The following IGF2R variants were observed in gnomAD, a reference collection of about 807,000 sequenced individuals.
IGF2R encodes insulin like growth factor 2 receptor.
A neutral mutation model predicts 270.6 loss-of-function variants in IGF2R; 91 were observed. The observed-to-expected ratio is 0.34, with a 90% CI of 0.28 to 0.40. The LOEUF is 0.40. Among genes scored for constraint, IGF2R ranks in the 10% least tolerant of loss-of-function variants. The pLI is 1.00. For synonymous variants in IGF2R, 1,316 were observed against 1,258.9 expected (o/e 1.05, Z -0.96); for missense variants, 2,805 against 3,188.3 (o/e 0.88, Z 2.90).
chr6:160,061,811 G>T lies in IGF2R; in HGVS notation c.3465G>T (p.Val1155=). Reference sequence around the variant, plus strand: ...GCAATAGCTGGAATCTGGGTGTGGTGCAGATGAGTCCCCAAGCCGCGGCGA... The same window carrying T: ...GCAATAGCTGGAATCTGGGTGTGGTTCAGATGAGTCCCCAAGCCGCGGCGA... The part of the protein sequence containing the change: ...SEGNSWNLGV[V]QMSPQAAANG... The change falls in exon 25 of 48, where the codon GTG becomes GTT. Residue 1155 remains valine, a synonymous_variant. Transcript: ENST00000356956. 2 of 1,614,186 alleles carry T rather than the reference G, an allele frequency of 1.2e-6. No individual in the cohort carries two copies. The highest frequency in any genetic ancestry group is 2.2e-5 in the South Asian group (2 of 91,080).
chr6:160,000,796 C>T (rs1412240943), intron 2 of IGF2R, among the ~76,000 whole-genome samples: 4 of 130,798 alleles, frequency 3.1e-5, no homozygotes, highest in Non-Finnish European at 4.6e-5. Context: ...AGTGCAGTGG[C>T]GCCATCTTGG....
intron 21 of IGF2R, 90 bp from the exon 22 acceptor site, chr6:160,058,816 C>A: frequency 9.0e-7 from 1 of 1,115,752 alleles, no homozygotes; most frequent in Admixed American, 2.1e-5. Context: ...AATGTTTAAC[C>A]TAGTGGGATT....
At chr6:159,992,248 A>G (rs1243349891) in intron 2 of IGF2R, among the ~76,000 whole-genome samples, 2 of 152,136 alleles carry the variant, frequency 1.3e-5, no homozygotes, top group Non-Finnish European at 2.9e-5. Flanking sequence ...ATTTTTATAG[A>G]TTTGGCAGTT....
intron 14 of IGF2R, 111 bp downstream of exon 14, chr6:160,045,993 A>G (rs761119290): frequency 2.1e-6 from 2 of 947,696 alleles, no homozygotes; most frequent in Non-Finnish European, 3.0e-6. Context: ...AATTTTATTC[A>G]TGCTGTTTGA....
At chr6:160,052,057 C>G (rs1778210058) in intron 19 of IGF2R, among the ~76,000 whole-genome samples, 1 of 151,948 alleles carries the variant, frequency 6.6e-6, no homozygotes, top group East Asian at 1.9e-4. Context: ...AAAAAATTAG[C>G]CAAGTGTGGT....
Position 160,012,768 on chromosome 6 carries a change from T to TG in IGF2R, c.513+1983_513+1984insG, listed in dbSNP as rs1562343090. Among the ~76,000 whole-genome samples the TG allele has an allele frequency of 2.2e-3, 138 of 63,694 alleles. 10 individuals carry two copies. Among genetic ancestry groups the TG allele is most frequent in the Middle Eastern group, 7.0e-3 (1 of 142 alleles). The allele number at this position is 63,694 out of a possible 152,430, so 41.8% of individuals were successfully genotyped here. ...ATTTATATATATATATATATATTTTTTTTTTTTTTTGTTTGTTTGTTTGTT... is the reference window on the plus strand; with the variant it reads ...ATTTATATATATATATATATATTTTTGTTTTTTTTTTGTTTGTTTGTTTGTT... On this transcript the variant is annotated intron_variant, in intron 4 of 47. Coordinates refer to ENST00000356956, the MANE Select transcript of IGF2R (RefSeq NM_000876.4).
chr6:160,040,697 G>C lies in IGF2R; in HGVS notation c.1453G>C (p.Asp485His). 1 of 1,614,176 alleles carries C rather than the reference G, an allele frequency of 6.2e-7. No individual in the cohort carries two copies. Among genetic ancestry groups the C allele is most frequent in the Non-Finnish European group, 8.5e-7 (1 of 1,180,030 alleles). The change falls in exon 11 of 48, where the codon GAC becomes CAC. Residue 485 changes from aspartate (D) to histidine (H), a missense_variant. By Grantham distance (81) the Asp-to-His change is moderately conservative. Around this residue, in one of 2 missense-constraint regions of IGF2R, gnomAD observed 954 missense variants for 981.1 expected, o/e 0.97. Coordinates refer to ENST00000356956, the MANE Select transcript of IGF2R (RefSeq NM_000876.4). ...TGCCACCGACGGGAAGAAGCGCTATGACCTGTCCGCGCTGGTCCGCCATGC... is the reference window on the plus strand; with the variant it reads ...TGCCACCGACGGGAAGAAGCGCTATCACCTGTCCGCGCTGGTCCGCCATGC... ...CGATDGKKRY[D>H]LSALVRHAEP...
At chr6:160,078,881 G>A (rs913012163) in intron 37 of IGF2R, among the ~76,000 whole-genome samples, 13 of 152,306 alleles carry the variant, frequency 8.5e-5, no homozygotes, top group African/African-American at 1.7e-4. Context: ...GAGCCCTGGC[G>A]TGTGCTGATT....
At chr6:160,077,333 C>T (rs991618565) in intron 36 of IGF2R, among the ~76,000 whole-genome samples, 1 of 152,130 alleles carries the variant, frequency 6.6e-6, no homozygotes, top group Admixed American at 6.5e-5. Context: ...TTGCGGGGGG[C>T]TTCTGCATTA....
Position 160,108,031 on chromosome 6 carries a change from C to T in IGF2R, c.*2947C>T, listed in dbSNP as rs1475081674. On this transcript the variant is annotated 3_prime_UTR_variant, in exon 48 of 48. Coordinates refer to ENST00000356956, the MANE Select transcript of IGF2R (RefSeq NM_000876.4). ...ACTGATGGGTACACAGGTCTTACCC[C>T]TGTTGGCGATCGGGTCACAAGGAGC... 6.6e-6 allele frequency: 1 copy of T among 152,242 alleles called. No individual in the cohort carries two copies. 9.4% of individuals were successfully genotyped at this position (152,242 alleles called of 1,614,324 possible). A position where few individuals can be genotyped will look rare whatever the true frequency, so the allele number is the denominator to read the frequency against.
chr6:160,073,080 A>G, intron 33 of IGF2R, 133 bp from the exon 34 acceptor site: 3 of 1,402,080 alleles, frequency 2.1e-6, no homozygotes, highest in Non-Finnish European at 2.9e-6. Context: ...AACAATGGTT[A>G]AAGCCGGATT....
At chr6:160,093,914 G>A (rs1208203803) in intron 44 of IGF2R, 5 of 715,552 alleles carry the variant, frequency 7.0e-6, no homozygotes, top group African/African-American at 5.3e-5. Flanking sequence ...TGGGGACAGT[G>A]CCATATCTTT....
At chr6:160,039,466 G>A (rs1190927760) in intron 10 of IGF2R, among the ~76,000 whole-genome samples, 1 of 152,210 alleles carries the variant, frequency 6.6e-6, no homozygotes, top group Non-Finnish European at 1.5e-5. Context: ...TGTAGCCGAG[G>A]TGCTGAGCTC....
chr6:160,040,089 A>T (rs1777911082), intron 10 of IGF2R, among the ~76,000 whole-genome samples: 1 of 152,158 alleles, frequency 6.6e-6, no homozygotes, highest in Admixed American at 6.5e-5. Context: ...TTTAGGGATG[A>T]GTCCCAGAGA....
chr6:159,977,719 C>G (rs547131143), intron 1 of IGF2R, among the ~76,000 whole-genome samples: 8 of 152,334 alleles, frequency 5.3e-5, no homozygotes, highest in African/African-American at 1.9e-4. Context: ...GGGCTTGAAT[C>G]CAGACTCCTC....
At chr6:160,090,519 G>A (rs967511017) in intron 44 of IGF2R, among the ~76,000 whole-genome samples, 1 of 152,206 alleles carries the variant, frequency 6.6e-6, no homozygotes, top group Non-Finnish European at 1.5e-5. Context: ...TGGCCTAAAT[G>A]TTAGGATGTA....
chr6:160,037,718 C>T (rs1583273252), intron 10 of IGF2R, among the ~76,000 whole-genome samples: 1 of 152,186 alleles, frequency 6.6e-6, no homozygotes, highest in East Asian at 1.9e-4. Context: ...TAATAAACTA[C>T]TCACAATTTA....
rs754587748 is a variant in IGF2R, at chr6:160,062,597, C to T, written c.3648C>T (p.Ala1216=). The T allele has an allele frequency of 6.2e-7, 1 of 1,613,754 alleles. No individual in the cohort carries two copies. The highest frequency in any genetic ancestry group is 1.1e-5 in the South Asian group (1 of 91,078). ...EYVFIWRTVE[A]CPVVRVEGDN... is the part of the protein sequence containing the mutation. ...TGTTTATCTGGAGAACTGTGGAAGC[C>T]TGTCCCGTTGTCAGAGTGGAAGGTA... Residue 1216 remains alanine, a synonymous_variant, in exon 26 of 48, where the codon GCC becomes GCT. Coordinates refer to ENST00000356956, the MANE Select transcript of IGF2R (RefSeq NM_000876.4).
chr6:159,972,406 T>A (rs1783623742), intron 1 of IGF2R, among the ~76,000 whole-genome samples: 1 of 152,242 alleles, frequency 6.6e-6, no homozygotes, highest in South Asian at 2.1e-4. Context: ...GTTCATTGTA[T>A]GGCCCCCAGA....
Sources: allele counts gnomAD v4.1 joint callset (sites outside exome capture counted in the v4.1 genomes callset), GRCh38; gene constraint gnomAD v4.1.1; regional missense constraint gnomAD v4.1.1; transcripts MANE v1.5; gene names NCBI Gene and HGNC (gene_info 2026-07-23, HGNC 2026-07-21).